Variants in EPHB1 observed in about 807,000 individuals in gnomAD.
The protein encoded by EPHB1 is EPH receptor B1.
EPHB1 carries 30 observed loss-of-function variants against 94.4 expected under a neutral mutation model. The observed-to-expected ratio is 0.32, with a 90% confidence interval of 0.24 to 0.43. The LOEUF is 0.43. Among genes scored for constraint, EPHB1 ranks in the 20% least tolerant of loss-of-function variants. The pLI is 1.00. For missense variants in EPHB1, 1,055 were observed against 1,308.3 expected (o/e 0.81, Z 2.99); for synonymous variants, 522 against 489.1 (o/e 1.07, Z -0.89).
At chr3:134,826,170 T>C (rs1029183168) in intron 1 of EPHB1, among the ~76,000 whole-genome samples, 1 of 148,434 alleles carries the variant, frequency 6.7e-6, no homozygotes, top group South Asian at 2.2e-4. Context: ...GAGAATTGCT[T>C]GAATCCAGGA....
intron 12 of EPHB1, among the ~76,000 whole-genome samples, chr3:135,212,875 C>G (rs1224505581): frequency 6.6e-6 from 1 of 152,144 alleles, no homozygotes; most frequent in Non-Finnish European, 1.5e-5. Flanking sequence ...TTGCTAGAGT[C>G]CATTTGTTAG....
At position 134,988,416 on chromosome 3, in the gene EPHB1, A is replaced by AT. The variant is rs1184324044; in HGVS notation, c.805+36372dup. ...AGTCACAGTCCTAAGCAGACTATAT[A>AT]TTTTTTTTCAAAAAAGAGCAGTTAG... On this transcript the variant is annotated intron_variant, in intron 3 of 15. Transcript: ENST00000398015. Among the ~76,000 whole-genome samples the AT allele has an allele frequency of 3.3e-5, 5 of 152,186 alleles. No homozygotes were observed. The South Asian group carries it at 6.2e-4, about 19-fold the overall frequency.
intron 4 of EPHB1, among the ~76,000 whole-genome samples, 196 bp downstream of exon 4, chr3:135,106,799 T>A (rs981246414): frequency 2.0e-5 from 3 of 152,162 alleles, no homozygotes; most frequent in Non-Finnish European, 2.9e-5. Context: ...GGGTGAAGAT[T>A]ACATTTTTTC....
chr3:135,251,769 T>C (rs1396447718), intron 15 of EPHB1, among the ~76,000 whole-genome samples: 2 of 152,296 alleles, frequency 1.3e-5, no homozygotes, highest in East Asian at 1.9e-4. Context: ...AGCCAAGGCA[T>C]TGTGGACAGA....
chr3:135,177,847 A>G (rs1942026539), intron 9 of EPHB1, among the ~76,000 whole-genome samples: 2 of 152,204 alleles, frequency 1.3e-5, no homozygotes, highest in Admixed American at 1.3e-4. Flanking sequence ...TCTTTATAAC[A>G]AGTCAAAAAG....
At chr3:134,907,539 G>A (rs1273573478) in intron 1 of EPHB1, among the ~76,000 whole-genome samples, 2 of 152,124 alleles carry the variant, frequency 1.3e-5, no homozygotes, top group Non-Finnish European at 2.9e-5. Flanking sequence ...CAGGCACTAA[G>A]GTACCAGCCA....
At chr3:135,135,886 G>A (rs1387383888) in intron 5 of EPHB1, among the ~76,000 whole-genome samples, 3 of 152,140 alleles carry the variant, frequency 2.0e-5, no homozygotes, top group African/African-American at 7.2e-5. Flanking sequence ...AAATAGATGA[G>A]TAATAATTAT....
chr3:134,960,702 G>A (rs1933481944), intron 3 of EPHB1, among the ~76,000 whole-genome samples: 1 of 152,190 alleles, frequency 6.6e-6, no homozygotes, highest in African/African-American at 2.4e-5. Flanking sequence ...CCCTGGAGAG[G>A]CTGGTGAGAA....
chr3:134,925,305 T>C (rs1162371025), intron 1 of EPHB1, among the ~76,000 whole-genome samples: 1 of 152,162 alleles, frequency 6.6e-6, no homozygotes, highest in Non-Finnish European at 1.5e-5. Flanking sequence ...TATAGATGCC[T>C]GATGGGGAGG....
intron 1 of EPHB1, among the ~76,000 whole-genome samples, chr3:134,912,145 C>G (rs981507769): frequency 6.6e-6 from 1 of 152,198 alleles, no homozygotes. Context: ...CCGCTCTTCT[C>G]CAGGGTGATT....
chr3:135,241,230 A>T lies in EPHB1; in HGVS notation c.2429A>T (p.Tyr810Phe). 3 of 1,614,186 alleles carry T rather than the reference A, an allele frequency of 1.9e-6. No individual in the cohort carries two copies. The highest frequency in any genetic ancestry group is 1.7e-6 in the Non-Finnish European group (2 of 1,180,030). ...KFTSASDVWS[Y>F]GIVMWEVMSF... ...ACTTCAGCCAGCGACGTTTGGAGCT[A>T]TGGGATCGTCATGTGGGAAGTCATG... The change falls in exon 13 of 16, where the codon TAT becomes TTT. Residue 810 changes from tyrosine to phenylalanine, a missense_variant. Transcript: ENST00000398015.
chr3:135,131,046 C>G (rs1408827390), intron 4 of EPHB1, among the ~76,000 whole-genome samples: 1 of 152,186 alleles, frequency 6.6e-6, no homozygotes, highest in Non-Finnish European at 1.5e-5. Context: ...CTACCTGGGA[C>G]AGTACTGACT....
chr3:134,999,475 C>G (rs1026675251), intron 3 of EPHB1, among the ~76,000 whole-genome samples: 8 of 152,178 alleles, frequency 5.3e-5, no homozygotes, highest in African/African-American at 1.4e-4. Flanking sequence ...CTTACCAGAA[C>G]TGGTGAGGGC....
At chr3:135,205,030 G>A (rs1942864889) in intron 12 of EPHB1, among the ~76,000 whole-genome samples, 1 of 144,780 alleles carries the variant, frequency 6.9e-6, no homozygotes, top group African/African-American at 2.6e-5. Context: ...CCACAAATAA[G>A]TGAGAACATT....
intron 3 of EPHB1, among the ~76,000 whole-genome samples, chr3:135,013,359 G>A (rs1306534339): frequency 6.6e-6 from 1 of 152,226 alleles, no homozygotes; most frequent in Non-Finnish European, 1.5e-5. Flanking sequence ...CAGGACAGCT[G>A]TAGAGTCATT....
In EPHB1 at chr3:135,197,209, G is replaced by T. The variant is rs1302808467; in HGVS notation, c.2131-4265G>T. On this transcript the variant is annotated intron_variant, in intron 11 of 15. Transcript: ENST00000398015. ...CATGGTTCTTGACATGCGCCATAAG[G>T]CCTTCTTGCCTAAAGCTTGGCTTTG... 3.9e-5 allele frequency among the ~76,000 whole-genome samples: 6 copies of T among 152,292 alleles called. No homozygotes were observed. In the South Asian group the frequency reaches 1.0e-3, roughly 26 times the overall value.
intron 1 of EPHB1, among the ~76,000 whole-genome samples, chr3:134,908,438 G>A (rs1189906658): frequency 6.6e-6 from 1 of 152,178 alleles, no homozygotes; most frequent in Non-Finnish European, 1.5e-5. Context: ...TACCCAGGCA[G>A]CCTGCAGGGA....
At chr3:135,159,348 A>G (rs1049781028) in intron 6 of EPHB1, among the ~76,000 whole-genome samples, 3 of 152,252 alleles carry the variant, frequency 2.0e-5, no homozygotes, top group African/African-American at 4.8e-5. Context: ...TTTGGTCCTC[A>G]CAATCCAAAT....
At chr3:135,229,160 C>T (rs1177825904) in intron 12 of EPHB1, among the ~76,000 whole-genome samples, 3 of 152,224 alleles carry the variant, frequency 2.0e-5, no homozygotes, top group African/African-American at 7.2e-5. Context: ...GCAGACAGCC[C>T]AGAGAGCAGG....
Sources: allele counts gnomAD v4.1 joint callset (sites outside exome capture counted in the v4.1 genomes callset), GRCh38; gene constraint gnomAD v4.1.1; transcripts MANE v1.5; gene names NCBI Gene and HGNC (gene_info 2026-07-23, HGNC 2026-07-21).